RPS25: variants seen among roughly 807,000 people sequenced by gnomAD.
The protein encoded by RPS25 is small ribosomal subunit protein eS25.
Under a neutral mutation model 14.4 loss-of-function variants are expected in RPS25, and 1 was observed. That is an observed-to-expected ratio of 0.07 (90% CI 0.02 to 0.33). The LOEUF (loss-of-function observed/expected upper bound fraction) is 0.33, where lower values mean the gene tolerates loss of function less well. RPS25 is among the 10% of genes least tolerant of loss of function. The probability of loss-of-function intolerance (pLI) is 1.00; values close to 1 mark genes in which losing one functional copy is unlikely to be tolerated. For missense variants in RPS25, 65 were observed against 144.6 expected (o/e 0.45, Z 2.82); for synonymous variants, 63 against 53.8 (o/e 1.17, Z -0.75).
At chr11:119,016,533 G>A (rs1447739655) in intron 3 of RPS25, among the ~76,000 whole-genome samples, 5 of 151,830 alleles carry the variant, frequency 3.3e-5, no homozygotes, top group African/African-American at 1.2e-4. Flanking sequence ...ACTGCACCTG[G>A]CTCCAGAATT....
intron 3 of RPS25, among the ~76,000 whole-genome samples, chr11:119,016,244 C>T (rs1315227106): frequency 2.6e-5 from 4 of 152,126 alleles, no homozygotes; most frequent in Non-Finnish European, 5.9e-5. Context: ...CAAGACTGCC[C>T]CTCCGCACTC....
rs370969866 is a variant in RPS25 at position 119,018,316 on chromosome 11, C to G, written c.-32G>C. 5.6e-6 allele frequency: 9 copies of G among 1,614,014 alleles called. No individual in the cohort carries two copies. In the African/African-American group the frequency reaches 1.1e-4, roughly 19 times the overall value. ...GCTCGGAGAATAGCAGCAGACACCG[C>G]AGCCTCGTCAAGATGTCGGACAAAA... On this transcript the variant is annotated 5_prime_UTR_variant, in exon 1 of 5. Transcript: ENST00000527673.
chr11:119,017,235 T>C, intron 3 of RPS25, 127 bp downstream of exon 3: 2 of 663,086 alleles, frequency 3.0e-6, no homozygotes, highest in East Asian at 2.9e-5. Context: ...ATTACATTAC[T>C]AACAGCCAAT....
At chr11:119,016,165 G>A (rs1204195022) in intron 3 of RPS25, among the ~76,000 whole-genome samples, 1 of 152,164 alleles carries the variant, frequency 6.6e-6, no homozygotes, top group Non-Finnish European at 1.5e-5. Flanking sequence ...GCACATGCTT[G>A]TAATTCCAGC....
intron 3 of RPS25, among the ~76,000 whole-genome samples, chr11:119,016,172 C>T (rs1330386189): frequency 1.3e-5 from 2 of 152,100 alleles, no homozygotes; most frequent in Non-Finnish European, 2.9e-5. Flanking sequence ...CTTGTAATTC[C>T]AGCTACTTGG....
chr11:119,017,694 C>T, intron 2 of RPS25, 149 bp from the exon 3 acceptor site: 2 of 826,584 alleles, frequency 2.4e-6, no homozygotes, highest in Non-Finnish European at 3.8e-6. Context: ...AAAACACCGA[C>T]ACGTTTTTGG....
At chr11:119,017,331 CA>C in intron 3 of RPS25, 30 bp downstream of exon 3, 1 of 1,519,196 alleles carries the variant, frequency 6.6e-7, no homozygotes, top group Non-Finnish European at 8.9e-7. Context: ...ATTTAACCTA[CA>C]AAAACACACA....
chr11:119,017,927 C>G, intron 2 of RPS25, 31 bp downstream of exon 2: 1 of 1,549,792 alleles, frequency 6.5e-7, no homozygotes. Context: ...AGAGTTACCC[C>G]TAGTCTCTTT....
At chr11:119,017,222 A>G (rs1167512889) in intron 3 of RPS25, 140 bp downstream of exon 3, 2 of 611,834 alleles carry the variant, frequency 3.3e-6, no homozygotes, top group Non-Finnish European at 5.5e-6. Flanking sequence ...GTAAGACGTC[A>G]GAATTACATT....
rs1943200147 is a variant in RPS25 at position 119,017,819 on chromosome 11, G to GT, written c.99+138dup. On this transcript the variant is annotated intron_variant, in intron 2 of 4. Transcript: ENST00000527673. Reference sequence around the variant, plus strand: ...ATGATCCTAATGGGAAAAAGAACGAGTGGTGACGGGAAGATAAACTCTCAC... The same window carrying GT: ...ATGATCCTAATGGGAAAAAGAACGAGTTGGTGACGGGAAGATAAACTCTCAC... 4 of 738,414 alleles carry GT rather than the reference G, an allele frequency of 5.4e-6. No individual in the cohort carries two copies. The South Asian group carries it at 6.8e-5, about 13-fold the overall frequency. The allele number at this position is 738,414 out of a possible 1,614,324, so 45.7% of individuals were successfully genotyped here. A position where few individuals can be genotyped will look rare whatever the true frequency, so the allele number is the denominator to read the frequency against.
rs114452850 is a variant in RPS25 at position 119,018,318 on chromosome 11, G to A, written c.-34C>T. On this transcript the variant is annotated 5_prime_UTR_variant, in exon 1 of 5. Transcript: ENST00000527673. ...TCGGAGAATAGCAGCAGACACCGCA[G>A]CCTCGTCAAGATGTCGGACAAAAAG... 8,637 of 1,614,076 alleles carry A rather than the reference G, an allele frequency of 5.4e-3. 368 individuals are homozygous for A. In the African/African-American group the frequency reaches 0.092, roughly 17 times the overall value.
rs1034647326 is a variant in RPS25 at position 119,015,871 on chromosome 11, C to T, written c.352G>A (p.Ala118Thr). Residue 118 changes from alanine to threonine, a missense_variant, in exon 4 of 5, where the codon GCT becomes ACT. Ala to Thr is a moderately conservative substitution (Grantham distance 58, BLOSUM62 0). Transcript: ENST00000527673. Reference sequence around the variant, plus strand: ...CATGCATCTTCACCAGCAGCTGGAGCATCTCCACCCTTGGTATTTCTGGTG... The same window carrying T: ...CATGCATCTTCACCAGCAGCTGGAGTATCTCCACCCTTGGTATTTCTGGTG... Reference protein sequence around the residue: ...IYTRNTKGGDAPAAGEDA With the variant: ...IYTRNTKGGDTPAAGEDA 6.2e-7 allele frequency: 1 copy of T among 1,608,180 alleles called. No homozygotes were observed. The highest frequency in any genetic ancestry group is 1.1e-5 in the South Asian group (1 of 90,944).
chr11:119,016,263 G>A (rs913489149), intron 3 of RPS25, among the ~76,000 whole-genome samples: 2 of 152,154 alleles, frequency 1.3e-5, no homozygotes, highest in Non-Finnish European at 2.9e-5. Flanking sequence ...TCCAACCTGG[G>A]CAACAGAATG....
In RPS25 at chr11:119,015,828, C is replaced by G; in HGVS notation, c.*4+13G>C. On this transcript the variant is annotated intron_variant, in intron 4 of 4. Transcript: ENST00000527673. ...CTACCTCCTACACCATGAGCCCACACATTCCTACTCACCTATTCATGCATC... is the reference window on the plus strand; with the variant it reads ...CTACCTCCTACACCATGAGCCCACAGATTCCTACTCACCTATTCATGCATC... The G allele has an allele frequency of 6.5e-7, 1 of 1,541,140 alleles. No homozygotes were observed. Among genetic ancestry groups the G allele is most frequent in the Non-Finnish European group, 9.0e-7 (1 of 1,113,666 alleles).
In RPS25 at chr11:119,018,294, C is replaced by T; in HGVS notation, c.-10G>A. ...CCCTGAAGCTTACCATTGCGAAGCT[C>T]GGAGAATAGCAGCAGACACCGCAGC... On this transcript the variant is annotated 5_prime_UTR_variant, in exon 1 of 5. Transcript: ENST00000527673. The T allele has an allele frequency of 3.1e-6, 5 of 1,614,140 alleles. No homozygotes were observed. In the South Asian group the frequency reaches 5.5e-5, roughly 18 times the overall value.
rs1943205093 is a variant in RPS25, at chr11:119,017,957, CCTT to C, written c.97_99del (p.Lys34del). 6.2e-7 allele frequency: 1 copy of C among 1,610,868 alleles called. No individual in the cohort carries two copies. On this transcript the variant is annotated inframe_deletion and splice_region_variant, in exon 2 of 5. Transcript: ENST00000527673. ...CTCTTTCAGAGAGGTCTTATTTCTA[CCTT>C]CTTTTTGGCCTTGCCCCCGGATTTG...
At chr11:119,016,642 C>CA (rs931364228) in intron 3 of RPS25, among the ~76,000 whole-genome samples, 1 of 151,376 alleles carries the variant, frequency 6.6e-6, no homozygotes, top group African/African-American at 2.4e-5. Flanking sequence ...CCACCCCCCC[C>CA]CCCTTTCTGA....
chr11:119,017,258 CTTTT>C (rs368289484), intron 3 of RPS25, 100 bp downstream of exon 3: 6 of 701,398 alleles, frequency 8.6e-6, no homozygotes, highest in African/African-American at 7.5e-5. Context: ...TCAAGCCACG[CTTTT>C]TTTTTTTAAT....
Position 119,015,824 on chromosome 11 carries a change from C to T in RPS25, c.*4+17G>A. 1 of 1,527,340 alleles carries T rather than the reference C, an allele frequency of 6.5e-7. No individual in the cohort carries two copies. Among genetic ancestry groups the T allele is most frequent in the East Asian group, 2.2e-5 (1 of 44,466 alleles). 94.6% of individuals were successfully genotyped at this position (1,527,340 alleles called of 1,614,324 possible). On this transcript the variant is annotated intron_variant, in intron 4 of 4. Coordinates refer to ENST00000527673, the MANE Select transcript of RPS25 (RefSeq NM_001028.3). ...GTATCTACCTCCTACACCATGAGCCCACACATTCCTACTCACCTATTCATG... is the reference window on the plus strand; with the variant it reads ...GTATCTACCTCCTACACCATGAGCCTACACATTCCTACTCACCTATTCATG...
Sources: gnomAD v4.1 joint callset for allele counts (sites outside exome capture counted in the v4.1 genomes callset) on GRCh38, gnomAD v4.1.1 for gene constraint, MANE v1.5 for transcripts, NCBI Gene and HGNC (gene_info 2026-07-23, HGNC 2026-07-21) for gene names.